TVP23A: variants seen among roughly 807,000 people sequenced by gnomAD.
The protein encoded by TVP23A is Golgi apparatus membrane protein TVP23 homolog A.
Under a neutral mutation model 31.7 loss-of-function variants are expected in TVP23A, and 21 were observed. That is an observed-to-expected ratio of 0.66 (90% CI 0.47 to 0.95). The LOEUF (loss-of-function observed/expected upper bound fraction) is 0.95, where lower values mean the gene tolerates loss of function less well. TVP23A is among the 40% of genes least tolerant of loss of function. The pLI is 0.00. For synonymous variants in TVP23A, 104 were observed against 96.0 expected (o/e 1.08, Z -0.49); for missense variants, 279 against 255.6 (o/e 1.09, Z -0.62).
downstream of TVP23A, chr16:10,757,813 G>C: frequency 3.8e-6 from 6 of 1,576,570 alleles, no homozygotes; most frequent in South Asian, 1.1e-5. The surrounding 1 kb of genome is among the most constrained non-coding windows in gnomAD (Gnocchi z 4.1). Context: ...AAAAAAGAGG[G>C]AGTTGAAAGT....
chr16:10,791,496 G>A (rs2033100969), intron 2 of TVP23A, among the ~76,000 whole-genome samples: 1 of 152,192 alleles, frequency 6.6e-6, no homozygotes, highest in South Asian at 2.1e-4. Context: ...AAGCAAGCTG[G>A]AAGCTTCCAG....
At chr16:10,790,505 T>C (rs972392805) in intron 2 of TVP23A, among the ~76,000 whole-genome samples, 3 of 152,122 alleles carry the variant, frequency 2.0e-5, no homozygotes, top group Non-Finnish European at 4.4e-5. Flanking sequence ...CAGGATGGTC[T>C]TGATCTCCTC....
intron 6 of TVP23A, 51 bp from the exon 7 acceptor site, chr16:10,770,382 G>C (rs2031492206): frequency 6.5e-7 from 1 of 1,528,520 alleles, no homozygotes; most frequent in African/African-American, 1.4e-5. Context: ...CGCGAGTGGG[G>C]CGATCCTGCT....
At position 10,818,473 on chromosome 16, in the gene TVP23A, C is replaced by T. The variant is rs1227294790; in HGVS notation, c.9+12G>A. 2 of 1,604,868 alleles carry T rather than the reference C, an allele frequency of 1.2e-6. No individual in the cohort carries two copies. Among genetic ancestry groups the T allele is most frequent in the East Asian group, 4.5e-5 (2 of 44,776 alleles). On this transcript the variant is annotated intron_variant, in intron 1 of 7. Transcript: ENST00000299866. This position sits in a 1 kb window ranked among gnomAD's most constrained non-coding sequence, Gnocchi z 4.7. ...CGCCCCGCCTCCAGCCCCAGCATCCCCGAGGCCCTACCTGCTTCATCACCC... is the reference window on the plus strand; with the variant it reads ...CGCCCCGCCTCCAGCCCCAGCATCCTCGAGGCCCTACCTGCTTCATCACCC...
intron 2 of TVP23A, among the ~76,000 whole-genome samples, chr16:10,794,045 C>A (rs2033254731): frequency 6.6e-6 from 1 of 152,028 alleles, no homozygotes; most frequent in Admixed American, 6.6e-5. Context: ...AATGCTGCAC[C>A]CCCAGGAGGG....
rs1433352802 is a variant in TVP23A at position 10,767,842 on chromosome 16, G to A, written c.*1260C>T. 3.9e-6 allele frequency: 4 copies of A among 1,016,180 alleles called. No individual in the cohort carries two copies. The African/African-American group carries it at 6.4e-5, about 16-fold the overall frequency. The allele number at this position is 1,016,180 out of a possible 1,614,324, so 62.9% of individuals were successfully genotyped here. A position where few individuals can be genotyped will look rare whatever the true frequency, so the allele number is the denominator to read the frequency against. ...TTTGTTCTTCATTACGAGTGAAGCG[G>A]GCTCAAGATCTTCCCATTGTCACCA... is the stretch of plus-strand genomic sequence containing the variant. On this transcript the variant is annotated 3_prime_UTR_variant, in exon 8 of 8. Transcript: ENST00000299866. The surrounding 1 kb of genome is among the most constrained non-coding windows in gnomAD (Gnocchi z 4.6).
At chr16:10,772,415 G>A (rs942963343) in intron 5 of TVP23A, among the ~76,000 whole-genome samples, 4 of 152,118 alleles carry the variant, frequency 2.6e-5, no homozygotes, top group Admixed American at 6.5e-5. Flanking sequence ...TGTCACCCAG[G>A]CTGAAGTGCT....
chr16:10,800,731 C>T lies in TVP23A; in HGVS notation c.89+17372G>A, dbSNP rs201951456. On this transcript the variant is annotated intron_variant, in intron 2 of 7. Coordinates refer to ENST00000299866, the MANE Select transcript of TVP23A (RefSeq NM_001079512.4). ...ATCACAGGTGGCTCACACCTGTAAT[C>T]CCAGCACTTTGGGAGGCTGAGGTGG... 2.0e-5 allele frequency among the ~76,000 whole-genome samples: 3 copies of T among 152,202 alleles called. No homozygotes were observed. The East Asian group carries it at 5.8e-4, about 29-fold the overall frequency.
rs771046015 is a variant in TVP23A at position 10,771,632 on chromosome 16, G to A, written c.582+38C>T. The stretch of plus-strand genomic sequence containing the variant: ...AGGCCACCTTGACTTTGACTACCTG[G>A]AGAGGAGTGGTCCAAGAGTCAGACC... On this transcript the variant is annotated intron_variant, in intron 6 of 7. Transcript: ENST00000299866. 7 of 1,611,630 alleles carry A rather than the reference G, an allele frequency of 4.3e-6. No homozygotes were observed. The African/African-American group carries it at 8.0e-5, about 18-fold the overall frequency.
At chr16:10,813,448 A>T (rs2034289824) in intron 2 of TVP23A, among the ~76,000 whole-genome samples, 1 of 152,162 alleles carries the variant, frequency 6.6e-6, no homozygotes, top group Non-Finnish European at 1.5e-5. Flanking sequence ...ACTTTTTTGG[A>T]TCATGGGCCC....
chr16:10,769,137 C>T lies in TVP23A; in HGVS notation c.*1-36G>A, dbSNP rs185648760. On this transcript the variant is annotated intron_variant, in intron 7 of 7. Coordinates refer to ENST00000299866, the MANE Select transcript of TVP23A (RefSeq NM_001079512.4). The stretch of plus-strand genomic sequence containing the variant: ...AGAATGTTCAGGACCAAGCAGTTAC[C>T]GAGCGAGGCACTCACTGGGCAGCAC... The T allele has an allele frequency of 1.5e-4, 234 of 1,607,292 alleles. No homozygotes were observed. The African/African-American group carries it at 2.7e-3, about 18-fold the overall frequency.
In TVP23A at chr16:10,777,997, G is replaced by A. The variant is rs545435985; in HGVS notation, c.90-2901C>T. On this transcript the variant is annotated intron_variant, in intron 2 of 7. Transcript: ENST00000299866. This position sits in a 1 kb window ranked among gnomAD's most constrained non-coding sequence, Gnocchi z 4.5. Reference sequence around the variant, plus strand: ...CTGCACTCCAGCCTGGTGACAGAGCGAGACTCCGTCTCAAAAAAAATAAAA... The same window carrying A: ...CTGCACTCCAGCCTGGTGACAGAGCAAGACTCCGTCTCAAAAAAAATAAAA... Among the ~76,000 whole-genome samples the A allele has an allele frequency of 1.2e-4, 18 of 150,870 alleles. No individual in the cohort carries two copies. Among genetic ancestry groups the A allele is most frequent in the East Asian group, 4.1e-4 (2 of 4,922 alleles).
In TVP23A at chr16:10,767,538, C is replaced by G. The variant is rs2031080025; in HGVS notation, c.*1564G>C. Reference sequence around the variant, plus strand: ...TGCGCATAATCTTTCTGGAAAGACACCTAGAACACTAGTAGCCCTTTTCGG... The same window carrying G: ...TGCGCATAATCTTTCTGGAAAGACAGCTAGAACACTAGTAGCCCTTTTCGG... On this transcript the variant is annotated 3_prime_UTR_variant, in exon 8 of 8. Transcript: ENST00000299866. The surrounding 1 kb of genome is among the most constrained non-coding windows in gnomAD (Gnocchi z 4.6). The G allele has an allele frequency of 2.2e-6, 1 of 445,008 alleles. No individual in the cohort carries two copies. The highest frequency in any genetic ancestry group is 3.9e-6 in the Non-Finnish European group (1 of 254,540). 27.6% of individuals were successfully genotyped at this position (445,008 alleles called of 1,614,324 possible). A position where few individuals can be genotyped will look rare whatever the true frequency, so the allele number is the denominator to read the frequency against.
At chr16:10,788,424 G>A (rs1488518991) in intron 2 of TVP23A, among the ~76,000 whole-genome samples, 3 of 152,010 alleles carry the variant, frequency 2.0e-5, no homozygotes, top group East Asian at 1.9e-4. Flanking sequence ...ACAGGCGCCC[G>A]CCACCACACC....
exon 9 of TVP23A, chr16:10,761,268 C>T (rs566905285): frequency 2.4e-4 from 272 of 1,114,746 alleles, no homozygotes; most frequent in Middle Eastern, 8.1e-4. Flanking sequence ...GCTTTATGAT[C>T]GCAGATCCAC....
intron 2 of TVP23A, among the ~76,000 whole-genome samples, chr16:10,810,434 C>A (rs973272658): frequency 5.9e-5 from 9 of 151,712 alleles, no homozygotes; most frequent in Non-Finnish European, 7.4e-5. Context: ...GTAGTCCCAG[C>A]TACTCAGGAG....
rs191133774 is a variant in TVP23A at position 10,779,315 on chromosome 16, G to A, written c.90-4219C>T. On this transcript the variant is annotated intron_variant, in intron 2 of 7. Transcript: ENST00000299866. The surrounding 1 kb of genome is among the most constrained non-coding windows in gnomAD (Gnocchi z 4.9). Reference sequence around the variant, plus strand: ...AGTCCTCATTCAGTCCCTATCTGGAGTTTGCCCAGCCTGTGCCTCTAGCTA... The same window carrying A: ...AGTCCTCATTCAGTCCCTATCTGGAATTTGCCCAGCCTGTGCCTCTAGCTA... 6.6e-6 allele frequency among the ~76,000 whole-genome samples: 1 copy of A among 152,194 alleles called. No homozygotes were observed. The highest frequency in any genetic ancestry group is 2.4e-5 in the African/African-American group (1 of 41,448).
In TVP23A at chr16:10,768,901, C is replaced by T; in HGVS notation, c.*201G>A. On this transcript the variant is annotated 3_prime_UTR_variant, in exon 8 of 8. Coordinates refer to ENST00000299866, the MANE Select transcript of TVP23A (RefSeq NM_001079512.4). This position sits in a 1 kb window ranked among gnomAD's most constrained non-coding sequence, Gnocchi z 4.3. ...GAGGTATTCCGGTCACTTTCAAAGA[C>T]TCAGGGCATCACAGACACAGGTCTT... is the stretch of plus-strand genomic sequence containing the variant. 1 of 684,252 alleles carries T rather than the reference C, an allele frequency of 1.5e-6. No homozygotes were observed. 42.4% of individuals were successfully genotyped at this position (684,252 alleles called of 1,614,324 possible).
intron 2 of TVP23A, among the ~76,000 whole-genome samples, chr16:10,785,729 A>C (rs1325711792): frequency 3.3e-5 from 5 of 152,232 alleles, no homozygotes; most frequent in Non-Finnish European, 5.9e-5. Flanking sequence ...GGGTCTGGAA[A>C]GGCGGAACAC....
Sources: gnomAD v4.1 joint callset for allele counts (sites outside exome capture counted in the v4.1 genomes callset) on GRCh38, gnomAD v4.1.1 for gene constraint, Gnocchi (gnomAD v3.1) non-coding constraint, MANE v1.5 for transcripts, NCBI Gene and HGNC (gene_info 2026-07-23, HGNC 2026-07-21) for gene names.